ZC3H12B: variants seen among roughly 807,000 people sequenced by gnomAD.
The protein encoded by ZC3H12B is zinc finger CCCH-type containing 12B.
In ZC3H12B, 7 loss-of-function variants were observed where a neutral mutation model predicts 43.9. That is an observed-to-expected ratio of 0.16 (90% CI 0.09 to 0.30). The LOEUF (loss-of-function observed/expected upper bound fraction) is 0.30. Ranked by LOEUF, ZC3H12B falls within the 10% of genes least tolerant of loss-of-function variation. ZC3H12B has a pLI of 1.00. For synonymous variants in ZC3H12B, 222 were observed against 241.7 expected, an observed-to-expected ratio of 0.92 and a Z score of 0.76; for missense variants, 475 against 670.2, an observed-to-expected ratio of 0.71 and a Z score of 3.22.
intron 3 of ZC3H12B, among the ~76,000 whole-genome samples, chrX:65,465,537 T>C (rs1305662281): frequency 1.8e-5 from 2 of 111,504 alleles, no homozygotes; most frequent in Non-Finnish European, 3.8e-5. Context: ...ATTTGGATCA[T>C]GTCTTTTAAT....
At chrX:65,116,151 A>C in the ZC3H12B span, among the ~76,000 whole-genome samples, 4 of 111,420 alleles carry the variant, frequency 3.6e-5, no homozygotes, top group East Asian at 1.1e-3. Context: ...GGTTTTTCTG[A>C]TGTTATATTC....
At chrX:65,230,554 C>T in the ZC3H12B span, among the ~76,000 whole-genome samples, 3 of 105,118 alleles carry the variant, frequency 2.9e-5, no homozygotes, top group Non-Finnish European at 5.8e-5. Flanking sequence ...AAAAAATATA[C>T]GAAATCACCA....
At chrX:65,170,141 C>A in the ZC3H12B span, among the ~76,000 whole-genome samples, 1 of 111,943 alleles carries the variant, frequency 8.9e-6, no homozygotes, top group Non-Finnish European at 1.9e-5. Context: ...ATGATCTTTA[C>A]AATTTGGCAT....
At chrX:65,315,398 A>G in the ZC3H12B span, among the ~76,000 whole-genome samples, 1 of 111,830 alleles carries the variant, frequency 8.9e-6, no homozygotes, top group East Asian at 2.8e-4. Flanking sequence ...TTGAAATGAT[A>G]AAGTACCATT....
chrX:65,333,963 A>G, the ZC3H12B span, among the ~76,000 whole-genome samples: 2 of 112,015 alleles, frequency 1.8e-5, no homozygotes, highest in Non-Finnish European at 3.8e-5. Flanking sequence ...TATCATATTT[A>G]CACAAATACA....
chrX:65,252,264 C>G, the ZC3H12B span, among the ~76,000 whole-genome samples: 1 of 111,062 alleles, frequency 9.0e-6, no homozygotes, highest in African/African-American at 3.3e-5. Context: ...GTTGAACCAG[C>G]CTTGCATCCC....
At chrX:65,157,391 T>G in the ZC3H12B span, among the ~76,000 whole-genome samples, 4 of 112,521 alleles carry the variant, frequency 3.6e-5, no homozygotes, top group Non-Finnish European at 7.5e-5. Flanking sequence ...AAAACTGTGT[T>G]ATTACATACA....
intron 3 of ZC3H12B, among the ~76,000 whole-genome samples, chrX:65,413,940 A>G (rs373119089): frequency 8.9e-6 from 1 of 111,979 alleles, no homozygotes; most frequent in African/African-American, 3.2e-5. Context: ...ATGTCATTTC[A>G]TTTATTTTGG....
chrX:65,435,424 G>T (rs755506405), intron 3 of ZC3H12B, among the ~76,000 whole-genome samples: 11 of 111,505 alleles, frequency 9.9e-5, no homozygotes, highest in Non-Finnish European at 1.7e-4. Context: ...CAAATATTTT[G>T]TGTATCTTTA....
At chrX:65,146,160 G>T in the ZC3H12B span, among the ~76,000 whole-genome samples, 1 of 110,418 alleles carries the variant, frequency 9.1e-6, no homozygotes, top group Non-Finnish European at 1.9e-5. Context: ...CAGGGTTTTG[G>T]GGGTCTTTGT....
At chrX:65,073,001 A>C in the ZC3H12B span, among the ~76,000 whole-genome samples, 142 of 112,495 alleles carry the variant, frequency 1.3e-3, 1 homozygote, top group African/African-American at 4.3e-3. Context: ...TCAGGGTGGC[A>C]GAGTGTCCTC....
At chrX:65,060,288 C>T in the ZC3H12B span, among the ~76,000 whole-genome samples, 1 of 111,811 alleles carries the variant, frequency 8.9e-6, no homozygotes, top group East Asian at 2.8e-4. Flanking sequence ...CTGTTGTGTT[C>T]CAGATCTTAG....
the ZC3H12B span, among the ~76,000 whole-genome samples, chrX:65,346,138 C>T: frequency 9.1e-6 from 1 of 110,297 alleles, no homozygotes; most frequent in East Asian, 2.8e-4. Context: ...TCATATGGAA[C>T]CAAAGAAACA....
At chrX:65,276,333 C>T in the ZC3H12B span, among the ~76,000 whole-genome samples, 1 of 111,305 alleles carries the variant, frequency 9.0e-6, no homozygotes, top group African/African-American at 3.3e-5. Context: ...CATCTATGTC[C>T]AGGAAGCTCA....
chrX:65,298,348 C>CA, the ZC3H12B span, among the ~76,000 whole-genome samples: 3 of 111,123 alleles, frequency 2.7e-5, no homozygotes, highest in Non-Finnish European at 5.7e-5. Flanking sequence ...TTTAACTAGA[C>CA]AAAAATGAAA....
the ZC3H12B span, among the ~76,000 whole-genome samples, chrX:65,329,001 A>G: frequency 7.2e-5 from 8 of 110,504 alleles, no homozygotes; most frequent in South Asian, 3.9e-4. Flanking sequence ...TAGTGCTGCA[A>G]TAAACATACA....
At chrX:65,352,077 T>A in the ZC3H12B span, among the ~76,000 whole-genome samples, 4 of 112,111 alleles carry the variant, frequency 3.6e-5, no homozygotes, top group Non-Finnish European at 5.6e-5. Context: ...CAAATGTCCA[T>A]CAATAATAGA....
chrX:65,078,037 G>T, the ZC3H12B span, among the ~76,000 whole-genome samples: 20 of 112,118 alleles, frequency 1.8e-4, no homozygotes, highest in Admixed American at 1.8e-3. Flanking sequence ...AAGATTTGGT[G>T]ATGGATTGCA....
upstream of ZC3H12B, among the ~76,000 whole-genome samples, chrX:65,362,585 C>A (rs2066118270): frequency 9.1e-6 from 1 of 110,275 alleles, no homozygotes. Context: ...ATCCCCCCAC[C>A]TTAACCCACA....
Sources: allele counts gnomAD v4.1 joint callset (sites outside exome capture counted in the v4.1 genomes callset), GRCh38; gene constraint gnomAD v4.1.1; transcripts MANE v1.5; gene names NCBI Gene and HGNC (gene_info 2026-07-23, HGNC 2026-07-21).